The following SMOC2 variants were observed in gnomAD, a reference collection of about 807,000 sequenced individuals.
SMOC2 encodes the protein SPARC-related modular calcium-binding protein 2.
Under a neutral mutation model 61.4 loss-of-function variants are expected in SMOC2, and 39 were observed. The ratio of observed to expected loss-of-function variants is 0.64; its 90% confidence interval spans 0.49 to 0.83. The LOEUF (loss-of-function observed/expected upper bound fraction) is 0.83. Among genes scored for constraint, SMOC2 ranks in the 40% least tolerant of loss-of-function variants. The pLI is 0.00. For synonymous variants in SMOC2, 247 were observed against 239.9 expected (o/e 1.03, Z -0.27); for missense variants, 556 against 592.9 (o/e 0.94, Z 0.65).
At chr6:168,488,084 A>C (rs1350168419) in intron 1 of SMOC2, among the ~76,000 whole-genome samples, 1 of 152,202 alleles carries the variant, frequency 6.6e-6, no homozygotes, top group African/African-American at 2.4e-5. Flanking sequence ...CTATCACAGC[A>C]CCACAAATGG....
In SMOC2 at chr6:168,564,844, A is replaced by G. The variant is rs142999705; in HGVS notation, c.637+15641A>G. 3.9e-3 allele frequency among the ~76,000 whole-genome samples: 601 copies of G among 152,320 alleles called. 4 individuals carry two copies. The highest frequency in any genetic ancestry group is 0.014 in the African/African-American group (564 of 41,576). ...AGCGGGTCTCACTGCTGTGCAAACAATGCACTCTGATGCATTCTGCTGACA... is the reference window on the plus strand; with the variant it reads ...AGCGGGTCTCACTGCTGTGCAAACAGTGCACTCTGATGCATTCTGCTGACA... On this transcript the variant is annotated intron_variant, in intron 7 of 12. Coordinates refer to ENST00000356284, the MANE Select transcript of SMOC2 (RefSeq NM_001166412.2).
At chr6:168,522,458 T>G (rs1279114813) in intron 2 of SMOC2, among the ~76,000 whole-genome samples, 1 of 152,188 alleles carries the variant, frequency 6.6e-6, no homozygotes, top group African/African-American at 2.4e-5. Flanking sequence ...CATCCATGAG[T>G]GAATGAATAA....
At chr6:168,513,689 T>A (rs1163926453) in intron 2 of SMOC2, among the ~76,000 whole-genome samples, 1 of 152,248 alleles carries the variant, frequency 6.6e-6, no homozygotes, top group African/African-American at 2.4e-5. Context: ...TCTTACTGAA[T>A]GATTCCTTGA....
At chr6:168,655,639 T>C in intron 11 of SMOC2, 1 of 331,224 alleles carries the variant, frequency 3.0e-6, no homozygotes, top group Non-Finnish European at 6.1e-6. Context: ...CCCTCACACG[T>C]GTGTGCTAGA....
intron 1 of SMOC2, among the ~76,000 whole-genome samples, chr6:168,449,264 C>T (rs960352086): frequency 2.0e-5 from 3 of 152,134 alleles, no homozygotes; most frequent in South Asian, 2.1e-4. Context: ...AATCTGAAGT[C>T]GTATCTCAGA....
intron 1 of SMOC2, among the ~76,000 whole-genome samples, chr6:168,501,718 C>T (rs904463797): frequency 7.2e-5 from 11 of 152,258 alleles, no homozygotes; most frequent in African/African-American, 2.7e-4. Context: ...CTCAGGGCTC[C>T]TGCTTTCCTC....
intron 7 of SMOC2, among the ~76,000 whole-genome samples, chr6:168,594,099 G>A (rs796999231): frequency 6.9e-5 from 4 of 58,014 alleles, no homozygotes; most frequent in Non-Finnish European, 8.1e-5. Context: ...CCTCCTTCCT[G>A]AGGCCTCACG....
At chr6:168,660,045 G>T (rs1270797269) in intron 11 of SMOC2, among the ~76,000 whole-genome samples, 1 of 152,118 alleles carries the variant, frequency 6.6e-6, no homozygotes, top group East Asian at 1.9e-4. Flanking sequence ...GGTGGAGGTT[G>T]TAGGTTGGCC....
intron 2 of SMOC2, among the ~76,000 whole-genome samples, chr6:168,514,497 G>T (rs1234459486): frequency 6.6e-6 from 1 of 152,238 alleles, no homozygotes; most frequent in Non-Finnish European, 1.5e-5. Context: ...TTTCCTTTGT[G>T]TCTGACCGAC....
intron 1 of SMOC2, among the ~76,000 whole-genome samples, chr6:168,447,247 T>A (rs1344768631): frequency 6.6e-6 from 1 of 152,170 alleles, no homozygotes; most frequent in Non-Finnish European, 1.5e-5. Context: ...TTTGTATTTT[T>A]TTTTTTAGAA....
intron 7 of SMOC2, among the ~76,000 whole-genome samples, chr6:168,584,586 A>G (rs999916892): frequency 2.0e-5 from 3 of 152,134 alleles, no homozygotes; most frequent in Non-Finnish European, 4.4e-5. Flanking sequence ...GAAGTGGACT[A>G]TGTACTTTTG....
At position 168,666,637 on chromosome 6, in the gene SMOC2, T is replaced by C; in HGVS notation, c.*199T>C. ...AGCTGGCTTCAGAAAATTAATCACA[T>C]ACAATGTATGTGTCCTCTTTTGACC... On this transcript the variant is annotated 3_prime_UTR_variant, in exon 13 of 13. Transcript: ENST00000356284. 1.6e-6 allele frequency: 1 copy of C among 629,756 alleles called. No individual in the cohort carries two copies. The highest frequency in any genetic ancestry group is 2.8e-6 in the Non-Finnish European group (1 of 352,520). 39.0% of individuals were successfully genotyped at this position (629,756 alleles called of 1,614,324 possible).
intron 5 of SMOC2, among the ~76,000 whole-genome samples, chr6:168,546,135 GGAAGTTCATGACTTA>G (rs141667189): frequency 0.024 from 3,573 of 151,510 alleles, 136 homozygotes; most frequent in African/African-American, 0.081. Flanking sequence ...TAGACCACTG[GGAAGTTCATGACTTA>G]GTTATCTACG....
At chr6:168,492,289 A>G (rs545239923) in intron 1 of SMOC2, among the ~76,000 whole-genome samples, 1 of 152,342 alleles carries the variant, frequency 6.6e-6, no homozygotes, top group East Asian at 1.9e-4. Context: ...GCACACACAC[A>G]CATGCATGAT....
At chr6:168,506,371 A>C (rs568149013) in intron 1 of SMOC2, among the ~76,000 whole-genome samples, 25 of 152,330 alleles carry the variant, frequency 1.6e-4, no homozygotes, top group African/African-American at 6.0e-4. Flanking sequence ...TATGTATTTC[A>C]GAGGCAACAT....
intron 1 of SMOC2, among the ~76,000 whole-genome samples, chr6:168,461,675 G>A (rs879213366): frequency 3.9e-5 from 6 of 152,272 alleles, no homozygotes; most frequent in Admixed American, 3.9e-4. Context: ...AGCACATTCA[G>A]TCGGGTCAAG....
At chr6:168,631,826 A>C (rs569346163) in intron 9 of SMOC2, among the ~76,000 whole-genome samples, 3 of 152,186 alleles carry the variant, frequency 2.0e-5, no homozygotes, top group Non-Finnish European at 2.9e-5. Flanking sequence ...GAGAAGGTGC[A>C]TGAGGTCTTT....
intron 4 of SMOC2, among the ~76,000 whole-genome samples, chr6:168,541,158 C>T (rs1783870027): frequency 6.6e-6 from 1 of 152,174 alleles, no homozygotes; most frequent in African/African-American, 2.4e-5. Flanking sequence ...ATTCGTATCC[C>T]CATTATGACA....
At chr6:168,647,498 G>C (rs769842933) in intron 9 of SMOC2, among the ~76,000 whole-genome samples, 2 of 152,196 alleles carry the variant, frequency 1.3e-5, no homozygotes, top group Non-Finnish European at 2.9e-5. Context: ...TGCGAGGGAC[G>C]AGGGTCTCTG....
Sources: allele counts gnomAD v4.1 joint callset (sites outside exome capture counted in the v4.1 genomes callset), GRCh38; gene constraint gnomAD v4.1.1; transcripts MANE v1.5; gene names NCBI Gene and HGNC (gene_info 2026-07-23, HGNC 2026-07-21).